The following KLF17 variants were observed in gnomAD, a reference collection of about 807,000 sequenced individuals.
The protein encoded by KLF17 is Krueppel-like factor 17.
Under a neutral mutation model 34.2 loss-of-function variants are expected in KLF17, and 31 were observed. That is an observed-to-expected ratio of 0.91 (90% CI 0.68 to 1.22). The LOEUF is 1.22. Ranked by LOEUF, KLF17 falls within the 50% of genes most tolerant of loss-of-function variation. The probability of loss-of-function intolerance (pLI) is 0.00; values close to 1 mark genes in which losing one functional copy is unlikely to be tolerated. For synonymous variants in KLF17, 179 were observed against 186.7 expected, an observed-to-expected ratio of 0.96 and a Z score of 0.34; for missense variants, 478 against 505.2, an observed-to-expected ratio of 0.95 and a Z score of 0.52.
the KLF17 span, among the ~76,000 whole-genome samples, chr1:44,099,296 T>C: frequency 1.3e-5 from 2 of 151,974 alleles, no homozygotes; most frequent in Non-Finnish European, 2.9e-5. Flanking sequence ...ACCAGCTACC[T>C]GGAAGACTAA....
chr1:44,096,526 A>G, the KLF17 span, among the ~76,000 whole-genome samples: 48,837 of 150,584 alleles, frequency 0.32, 8,056 homozygotes, highest in South Asian at 0.38. Flanking sequence ...AGCCTCCAGA[A>G]CAGCTGGGAC....
intron 1 of KLF17, among the ~76,000 whole-genome samples, chr1:44,127,966 A>C (rs1363365590): frequency 6.6e-6 from 1 of 150,550 alleles, no homozygotes; most frequent in Non-Finnish European, 1.5e-5. Flanking sequence ...TCATATTTGA[A>C]TGGATTGTTC....
the KLF17 span, among the ~76,000 whole-genome samples, chr1:44,079,307 C>CTTTTTTTTTTTTTTTTTTTTTTT: frequency 7.1e-6 from 1 of 140,868 alleles, no homozygotes; most frequent in Non-Finnish European, 1.5e-5. Context: ...TTTTCTTCTC[C>CTTTTTTTTTTTTTTTTTTTTTTT]TTTTTTTTTT....
the KLF17 span, chr1:44,046,110 T>C: frequency 6.9e-6 from 1 of 144,470 alleles, no homozygotes; most frequent in Admixed American, 7.3e-5. Flanking sequence ...GAAGAATTCA[T>C]CCACAAGATT....
upstream of KLF17, among the ~76,000 whole-genome samples, chr1:44,116,313 C>T (rs937934731): frequency 2.0e-5 from 3 of 152,132 alleles, no homozygotes; most frequent in Non-Finnish European, 4.4e-5. Context: ...GCCTTCTTAC[C>T]CCACTTGTTA....
chr1:44,114,349 T>G (rs1335732006), upstream of KLF17: 2 of 152,136 alleles, frequency 1.3e-5, no homozygotes, highest in African/African-American at 4.8e-5. Flanking sequence ...GATGGCATGG[T>G]TCGAAACATA....
the KLF17 span, among the ~76,000 whole-genome samples, chr1:44,056,478 A>G: frequency 6.6e-6 from 1 of 152,182 alleles, no homozygotes; most frequent in Admixed American, 6.5e-5. Context: ...GCTTAGAGCA[A>G]GCCACTCCGT....
chr1:44,120,898 C>T (rs138717388), intron 1 of KLF17, among the ~76,000 whole-genome samples: 13 of 152,240 alleles, frequency 8.5e-5, no homozygotes, highest in East Asian at 1.9e-4. Context: ...GCAGAAGGCT[C>T]GTTTGAGCTC....
the KLF17 span, chr1:44,110,457 A>C: frequency 6.6e-6 from 1 of 152,142 alleles, no homozygotes; most frequent in African/African-American, 2.4e-5. Context: ...TTGGGAGTCC[A>C]AGGCGGGCAG....
At chr1:44,121,493 G>A (rs1221130664) in intron 1 of KLF17, among the ~76,000 whole-genome samples, 2 of 152,300 alleles carry the variant, frequency 1.3e-5, no homozygotes, top group East Asian at 3.9e-4. Context: ...TTCGTAGCTG[G>A]TACGTCCAAA....
intron 1 of KLF17, among the ~76,000 whole-genome samples, chr1:44,129,151 T>C (rs1247426201): frequency 6.6e-6 from 1 of 152,118 alleles, no homozygotes; most frequent in Non-Finnish European, 1.5e-5. Flanking sequence ...GAAGGTGGCA[T>C]GAGTTACATT....
chr1:44,083,155 C>G, the KLF17 span, among the ~76,000 whole-genome samples: 99 of 151,714 alleles, frequency 6.5e-4, 1 homozygote, highest in African/African-American at 2.3e-3. Flanking sequence ...GCTATGTTAC[C>G]CAGGCTGGGC....
the KLF17 span, among the ~76,000 whole-genome samples, chr1:44,093,873 G>T: frequency 8.5e-5 from 13 of 152,288 alleles, no homozygotes; most frequent in African/African-American, 3.1e-4. Context: ...TTCATTGGAA[G>T]TTATCTCTTT....
upstream of KLF17, chr1:44,118,814 T>C (rs1487872709): frequency 2.5e-5 from 22 of 889,870 alleles, no homozygotes; most frequent in African/African-American, 5.2e-5. Flanking sequence ...TAGAAGGTGA[T>C]TGTGGCGTGG....
intron 1 of KLF17, among the ~76,000 whole-genome samples, chr1:44,128,340 G>A (rs752786119): frequency 1.2e-4 from 18 of 152,072 alleles, no homozygotes; most frequent in Admixed American, 2.6e-4. Flanking sequence ...GAGCCGCTGC[G>A]CCTGGACTAC....
At chr1:44,101,233 A>G in the KLF17 span, among the ~76,000 whole-genome samples, 1 of 148,876 alleles carries the variant, frequency 6.7e-6, no homozygotes, top group Non-Finnish European at 1.5e-5. Context: ...ATTTCCTAAA[A>G]ACAAGGCCAT....
chr1:44,132,226 A>C (rs1032845409), intron 3 of KLF17, among the ~76,000 whole-genome samples: 2 of 152,040 alleles, frequency 1.3e-5, no homozygotes, highest in African/African-American at 4.8e-5. Flanking sequence ...GAATGGCTTG[A>C]ACCCGGGAGG....
At chr1:44,099,869 G>GAAAA in the KLF17 span, among the ~76,000 whole-genome samples, 4 of 51,418 alleles carry the variant, frequency 7.8e-5, 1 homozygote, top group African/African-American at 2.4e-4. Context: ...AAGAAAGAAA[G>GAAAA]AAAGAAAGAA....
the KLF17 span, among the ~76,000 whole-genome samples, chr1:44,049,895 T>G: frequency 6.6e-6 from 1 of 152,260 alleles, no homozygotes; most frequent in Non-Finnish European, 1.5e-5. Context: ...TTTATCCATT[T>G]TAGCTTTTCA....
Sources: allele counts gnomAD v4.1 joint callset (sites outside exome capture counted in the v4.1 genomes callset), GRCh38; gene constraint gnomAD v4.1.1; transcripts MANE v1.5; gene names NCBI Gene and HGNC (gene_info 2026-07-23, HGNC 2026-07-21).